The following DDRGK1 variants were observed in gnomAD, a reference collection of about 807,000 sequenced individuals.
DDRGK1 encodes the protein DDRGK domain containing 1.
A neutral mutation model predicts 45.8 loss-of-function variants in DDRGK1; 38 were observed. The ratio of observed to expected loss-of-function variants is 0.83; its 90% CI spans 0.64 to 1.09. DDRGK1 has a LOEUF of 1.09. Among genes scored for constraint, DDRGK1 ranks in the 50% least tolerant of loss-of-function variants. The pLI is 0.00. For synonymous variants in DDRGK1, 171 were observed against 168.7 expected (o/e 1.01, Z -0.11); for missense variants, 403 against 419.9 (o/e 0.96, Z 0.35).
chr20:3,203,551 T>C lies in DDRGK1; in HGVS notation c.92-135A>G. 3.2e-6 allele frequency: 4 copies of C among 1,259,226 alleles called. No homozygotes were observed. In the Admixed American group the frequency reaches 1.4e-4, roughly 44 times the overall value. 78.0% of individuals were successfully genotyped at this position (1,259,226 alleles called of 1,614,324 possible). A position where few individuals can be genotyped will look rare whatever the true frequency, so the allele number is the denominator to read the frequency against. ...ACAGCACAAGGCCCCGACTTCTCAG[T>C]CTGACTGGCAAGGCCTTTTCCACCA... On this transcript the variant is annotated intron_variant, in intron 1 of 8. Coordinates refer to ENST00000354488, the MANE Select transcript of DDRGK1 (RefSeq NM_023935.3).
chr20:3,200,329 C>A lies in DDRGK1; in HGVS notation c.408+13G>T. ...CGCACTTCCCAGAGCTGCACCCCAT[C>A]CCTCCGGCTTGCCTCACGCTGGGCC... On this transcript the variant is annotated intron_variant, in intron 3 of 8. Transcript: ENST00000354488. 2.6e-6 allele frequency: 4 copies of A among 1,556,296 alleles called. No homozygotes were observed. Among genetic ancestry groups the A allele is most frequent in the Non-Finnish European group, 3.5e-6 (4 of 1,149,444 alleles).
At chr20:3,204,100 C>T (rs77972333) in intron 1 of DDRGK1, among the ~76,000 whole-genome samples, 3,503 of 152,268 alleles carry the variant, frequency 0.023, 130 homozygotes, top group African/African-American at 0.079. Flanking sequence ...CCGCCTCGCG[C>T]TTCTCCAGCT....
chr20:3,193,140 C>A (rs756358248), intron 6 of DDRGK1, among the ~76,000 whole-genome samples: 2 of 152,190 alleles, frequency 1.3e-5, no homozygotes, highest in Non-Finnish European at 2.9e-5. Context: ...AGGAAGATCG[C>A]CTGAGCCCAG....
chr20:3,191,415 C>A, intron 7 of DDRGK1, 177 bp from the exon 8 acceptor site: 1 of 691,660 alleles, frequency 1.4e-6, no homozygotes. Flanking sequence ...GGTCCTGGGC[C>A]CTGCAAGACC....
intron 1 of DDRGK1, among the ~76,000 whole-genome samples, chr20:3,203,961 AG>A (rs1233008118): frequency 6.6e-6 from 1 of 152,148 alleles, no homozygotes; most frequent in African/African-American, 2.4e-5. Flanking sequence ...GGGGGGAAAG[AG>A]GGAGGATGGG....
chr20:3,203,448 T>C, intron 1 of DDRGK1, 32 bp from the exon 2 acceptor site: 1 of 1,506,100 alleles, frequency 6.6e-7, no homozygotes, highest in Non-Finnish European at 8.9e-7. Context: ...CAATGCTGCC[T>C]ATAAGCCCAG....
At chr20:3,193,020 G>A (rs6084288) in intron 6 of DDRGK1, among the ~76,000 whole-genome samples, 18,914 of 152,196 alleles carry the variant, frequency 0.12, 1,591 homozygotes, top group Non-Finnish European at 0.18. Context: ...CACCCCAGGT[G>A]CTCCCTGATG....
At chr20:3,203,129 C>T (rs2067048092) in intron 2 of DDRGK1, 84 bp downstream of exon 2, 1 of 1,309,206 alleles carries the variant, frequency 7.6e-7, no homozygotes, top group East Asian at 2.6e-5. Flanking sequence ...GGCTTCATAC[C>T]CTACTCCCCC....
rs1468395647 is a variant in DDRGK1 at position 3,195,347 on chromosome 20, C to T, written c.517G>A (p.Glu173Lys). 1 of 1,601,418 alleles carries T rather than the reference C, an allele frequency of 6.2e-7. No homozygotes were observed. Among genetic ancestry groups the T allele is most frequent in the Non-Finnish European group, 8.5e-7 (1 of 1,173,732 alleles). The stretch of plus-strand genomic sequence containing the variant: ...TGCTCCTCGCGGGCCTTCCTCTCCT[C>T]CTCCTCCTGTGGACATAGGAGGCAA... ...LRLEEEQKEE[E>K]ERKAREEQAQ... Residue 173 changes from glutamate to lysine, a missense_variant, in exon 5 of 9, where the codon GAG becomes AAG. Physicochemically the swap from Glu to Lys is moderately conservative, Grantham distance 56. Transcript: ENST00000354488.
intron 4 of DDRGK1, among the ~76,000 whole-genome samples, chr20:3,195,638 AC>A (rs1346217864): frequency 6.6e-6 from 1 of 151,276 alleles, no homozygotes; most frequent in African/African-American, 2.4e-5. Flanking sequence ...CCCTGCCATG[AC>A]CCCACTCTAC....
rs141055522 is a variant in DDRGK1 at position 3,201,578 on chromosome 20, G to A, written c.296-1124C>T. On this transcript the variant is annotated intron_variant, in intron 2 of 8. Coordinates refer to ENST00000354488, the MANE Select transcript of DDRGK1 (RefSeq NM_023935.3). Reference sequence around the variant, plus strand: ...CAAGTGTCTCGGGGTCACAGATAGCGCTGCCTGGATATTTAAGGTACTGTG... The same window carrying A: ...CAAGTGTCTCGGGGTCACAGATAGCACTGCCTGGATATTTAAGGTACTGTG... Among the ~76,000 whole-genome samples, 150 of 151,970 alleles carry A rather than the reference G, an allele frequency of 9.9e-4. 1 individual carries two copies. The highest frequency in any genetic ancestry group is 3.5e-3 in the African/African-American group (144 of 41,492).
chr20:3,190,766 C>T lies in DDRGK1; in HGVS notation c.832G>A (p.Ala278Thr), dbSNP rs754900499. The T allele has an allele frequency of 8.7e-6, 14 of 1,613,892 alleles. No individual in the cohort carries two copies. The highest frequency in any genetic ancestry group is 1.3e-5 in the African/African-American group (1 of 74,940). Reference protein sequence around the residue: ...FIYITPEELAAVANFIRQRGR... With the variant: ...FIYITPEELATVANFIRQRGR... ...CGCTGTCGGATGAAGTTGGCCACGG[C>T]GGCCAGTTCCTCTGGGGTTATGTAG... Residue 278 changes from alanine (A) to threonine (T), a missense_variant, in exon 9 of 9, where the codon GCC becomes ACC. Ala to Thr is a moderately conservative substitution (Grantham distance 58). Transcript: ENST00000354488.
At chr20:3,201,306 A>G (rs987708285) in intron 2 of DDRGK1, among the ~76,000 whole-genome samples, 9 of 150,322 alleles carry the variant, frequency 6.0e-5, no homozygotes, top group African/African-American at 2.2e-4. Context: ...AAAAAAAAAA[A>G]AAATTAGCCA....
chr20:3,194,166 G>A (rs889012503), intron 6 of DDRGK1, among the ~76,000 whole-genome samples: 1 of 152,110 alleles, frequency 6.6e-6, no homozygotes, highest in Non-Finnish European at 1.5e-5. Flanking sequence ...GTCCTTGGCA[G>A]CCCCTGGTAG....
intron 2 of DDRGK1, among the ~76,000 whole-genome samples, chr20:3,201,011 G>C (rs2067036053): frequency 1.3e-5 from 2 of 152,186 alleles, no homozygotes; most frequent in Non-Finnish European, 1.5e-5. Context: ...TCAGGAGGCT[G>C]AGGCAGGAGA....
chr20:3,191,360 ACT>A (rs368455977), intron 7 of DDRGK1, 122 bp from the exon 8 acceptor site: 33 of 1,159,834 alleles, frequency 2.8e-5, no homozygotes, highest in Middle Eastern at 1.9e-4. Context: ...CCCAAATGTG[ACT>A]CTGTGCTTTG....
At chr20:3,199,973 C>T (rs958780493) in intron 4 of DDRGK1, 28 bp downstream of exon 4, 5 of 1,579,264 alleles carry the variant, frequency 3.2e-6, no homozygotes, top group South Asian at 1.2e-5. Flanking sequence ...GGTCAAGGGT[C>T]AGAGGTCAGG....
chr20:3,198,581 TC>T (rs2067022046), intron 4 of DDRGK1, among the ~76,000 whole-genome samples: 4 of 147,348 alleles, frequency 2.7e-5, no homozygotes, highest in African/African-American at 1.0e-4. Flanking sequence ...ATGCCTGTAA[TC>T]CCAGCTACTT....
Position 3,204,522 on chromosome 20 carries a change from A to G in DDRGK1, c.91+15T>C, listed in dbSNP as rs981271072. 1 of 1,551,170 alleles carries G rather than the reference A, an allele frequency of 6.4e-7. No homozygotes were observed. Among genetic ancestry groups the G allele is most frequent in the African/African-American group, 1.4e-5 (1 of 73,896 alleles). On this transcript the variant is annotated intron_variant, in intron 1 of 8. Transcript: ENST00000354488. ...AACCCGGTACCACCAACCCTGGTGC[A>G]GCGGCATCTCCTACCTGATGCCGCC...
Sources: allele counts gnomAD v4.1 joint callset (sites outside exome capture counted in the v4.1 genomes callset), GRCh38; gene constraint gnomAD v4.1.1; transcripts MANE v1.5; gene names NCBI Gene and HGNC (gene_info 2026-07-23, HGNC 2026-07-21).